Variants in NIPBL observed in about 807,000 individuals in gnomAD.
NIPBL encodes the protein NIPBL cohesin loading factor.
In NIPBL, 19 loss-of-function variants were observed where a neutral mutation model predicts 321.8. The observed-to-expected ratio is 0.06, with a 90% CI of 0.04 to 0.09. The LOEUF is 0.09. Ranked by LOEUF, NIPBL falls within the 10% of genes least tolerant of loss-of-function variation. NIPBL has a pLI of 1.00. For missense variants in NIPBL, 2,210 were observed against 3,327.0 expected (o/e 0.66, Z 8.26); for synonymous variants, 1,106 against 1,114.1 (o/e 0.99, Z 0.14).
intron 6 of NIPBL, among the ~76,000 whole-genome samples, chr5:36,965,266 G>C (rs1376134353): frequency 6.6e-6 from 1 of 152,070 alleles, no homozygotes; most frequent in Non-Finnish European, 1.5e-5. Context: ...CCAAAATATG[G>C]AATCAACCTA....
At chr5:36,885,644 G>C in intron 1 of NIPBL, 1 of 546,758 alleles carries the variant, frequency 1.8e-6, no homozygotes, top group Non-Finnish European at 3.6e-6. Flanking sequence ...TGTGGACAAT[G>C]CCTGCATTGT....
intron 44 of NIPBL, 49 bp from the exon 45 acceptor site, chr5:37,060,795 A>G: frequency 6.6e-7 from 1 of 1,506,674 alleles, no homozygotes; most frequent in South Asian, 1.2e-5. Context: ...TTCTCCAAAT[A>G]CGTTGTTTCC....
intron 17 of NIPBL, 48 bp downstream of exon 17, chr5:37,006,636 A>G (rs769940073): frequency 3.2e-6 from 4 of 1,236,910 alleles, no homozygotes; most frequent in East Asian, 5.0e-5. Context: ...GCCATGTTAG[A>G]TGAGTCAAAA....
chr5:36,969,715 G>A (rs1284225642), intron 6 of NIPBL, among the ~76,000 whole-genome samples: 4 of 152,180 alleles, frequency 2.6e-5, no homozygotes, highest in Admixed American at 6.5e-5. Context: ...GTACACAAGA[G>A]AAGATGCTTG....
chr5:37,008,422 A>G (rs1468441337), intron 19 of NIPBL, among the ~76,000 whole-genome samples: 3 of 152,140 alleles, frequency 2.0e-5, no homozygotes, highest in African/African-American at 7.2e-5. Flanking sequence ...CCAAGATTTC[A>G]TAGTCCTTTA....
At chr5:37,044,524 G>C in intron 35 of NIPBL, 37 bp downstream of exon 35, 1 of 1,602,210 alleles carries the variant, frequency 6.2e-7, no homozygotes, top group African/African-American at 1.3e-5. Context: ...ATTCATTAGT[G>C]TAAAGTTCTA....
intron 1 of NIPBL, among the ~76,000 whole-genome samples, chr5:36,925,452 G>T (rs1370647118): frequency 1.3e-5 from 2 of 151,774 alleles, no homozygotes; most frequent in African/African-American, 2.4e-5. Flanking sequence ...TTTTAGTAGA[G>T]ACGGGGTTTC....
In NIPBL at chr5:36,943,951, C is replaced by A. The variant is rs548877040; in HGVS notation, c.-79-9667C>A. Among the ~76,000 whole-genome samples, 3 of 152,034 alleles carry A rather than the reference C, an allele frequency of 2.0e-5. No individual in the cohort carries two copies. The South Asian group carries it at 6.2e-4, about 32-fold the overall frequency. ...ATTTTAATGTAATTGCTAACTGTGGCAAGATATTTGGTGGAATGGAGAATA... is the reference window on the plus strand; with the variant it reads ...ATTTTAATGTAATTGCTAACTGTGGAAAGATATTTGGTGGAATGGAGAATA... On this transcript the variant is annotated intron_variant, in intron 1 of 46. Coordinates refer to ENST00000282516, the MANE Select transcript of NIPBL (RefSeq NM_133433.4).
chr5:37,057,365 C>G, intron 43 of NIPBL, 33 bp downstream of exon 43: 1 of 1,596,448 alleles, frequency 6.3e-7, no homozygotes, highest in Non-Finnish European at 8.6e-7. Flanking sequence ...CTTAATCCAT[C>G]TGTCAAAGTG....
chr5:36,924,873 C>T (rs985073434), intron 1 of NIPBL, among the ~76,000 whole-genome samples: 3 of 152,008 alleles, frequency 2.0e-5, no homozygotes, highest in Non-Finnish European at 4.4e-5. Flanking sequence ...TTCCTGGGGG[C>T]CTCTATTAAA....
chr5:36,886,735 A>G (rs769384291), intron 1 of NIPBL, among the ~76,000 whole-genome samples: 3 of 151,744 alleles, frequency 2.0e-5, no homozygotes, highest in Admixed American at 6.6e-5. Context: ...GAATATTTCC[A>G]TTACCCCCAA....
intron 42 of NIPBL, among the ~76,000 whole-genome samples, chr5:37,056,290 T>TTGC (rs1022533324): frequency 6.6e-6 from 1 of 152,132 alleles, no homozygotes; most frequent in Non-Finnish European, 1.5e-5. Flanking sequence ...CTATGGGATC[T>TTGC]TGCTGCTGCT....
intron 1 of NIPBL, among the ~76,000 whole-genome samples, chr5:36,920,732 C>T (rs1051409403): frequency 6.6e-6 from 1 of 151,996 alleles, no homozygotes; most frequent in Non-Finnish European, 1.5e-5. Context: ...AAGTACTGTG[C>T]TCCTCCTCTC....
chr5:37,029,649 A>G (rs1253315715), intron 32 of NIPBL, among the ~76,000 whole-genome samples: 1 of 152,150 alleles, frequency 6.6e-6, no homozygotes, highest in Non-Finnish European at 1.5e-5. Flanking sequence ...AAAATTGCTA[A>G]ACCATTTTTC....
chr5:36,897,191 A>G (rs528638384), intron 1 of NIPBL, among the ~76,000 whole-genome samples: 1 of 151,086 alleles, frequency 6.6e-6, no homozygotes, highest in Non-Finnish European at 1.5e-5. Context: ...TTTAGTAGAG[A>G]TGGGGTTTCA....
intron 1 of NIPBL, among the ~76,000 whole-genome samples, chr5:36,936,479 A>C (rs907187351): frequency 3.3e-5 from 5 of 152,206 alleles, no homozygotes; most frequent in Admixed American, 2.6e-4. Context: ...ATAGGTGCGT[A>C]GTAGGCTATA....
At chr5:36,944,340 C>T (rs1177031746) in intron 1 of NIPBL, among the ~76,000 whole-genome samples, 2 of 152,072 alleles carry the variant, frequency 1.3e-5, no homozygotes, top group African/African-American at 4.8e-5. Context: ...TCCACGTATA[C>T]CTTTTCTTGA....
At chr5:36,934,762 C>T (rs907619994) in intron 1 of NIPBL, among the ~76,000 whole-genome samples, 9 of 151,590 alleles carry the variant, frequency 5.9e-5, no homozygotes, top group African/African-American at 2.2e-4. Flanking sequence ...GAAGAACTTT[C>T]AGAGGCCATG....
At chr5:37,053,811 G>A (rs1453508380) in intron 42 of NIPBL, among the ~76,000 whole-genome samples, 1 of 152,118 alleles carries the variant, frequency 6.6e-6, no homozygotes, top group African/African-American at 2.4e-5. Flanking sequence ...CAGCCATTGC[G>A]CTAAGAAGTT....
Sources: allele counts gnomAD v4.1 joint callset (sites outside exome capture counted in the v4.1 genomes callset), GRCh38; gene constraint gnomAD v4.1.1; transcripts MANE v1.5; gene names NCBI Gene and HGNC (gene_info 2026-07-23, HGNC 2026-07-21).